PRKCA: variants seen among roughly 807,000 people sequenced by gnomAD.
PRKCA encodes the protein protein kinase C alpha type.
Under a neutral mutation model 87.0 loss-of-function variants are expected in PRKCA, and 27 were observed. That is an observed-to-expected ratio of 0.31 (90% confidence interval 0.23 to 0.43). PRKCA has a LOEUF of 0.43. Ranked by LOEUF, PRKCA falls within the 20% of genes least tolerant of loss-of-function variation. The probability of loss-of-function intolerance (pLI) is 1.00; values close to 1 mark genes in which losing one functional copy is unlikely to be tolerated. For synonymous variants in PRKCA, 329 were observed against 311.1 expected, an observed-to-expected ratio of 1.06 and a Z score of -0.61; for missense variants, 518 against 852.3, an observed-to-expected ratio of 0.61 and a Z score of 4.88.
intron 3 of PRKCA, among the ~76,000 whole-genome samples, chr17:66,636,027 C>T (rs933960657): frequency 2.0e-5 from 3 of 152,104 alleles, no homozygotes; most frequent in African/African-American, 4.8e-5. Context: ...CAGTGGTCTC[C>T]CTCTTCTGCC....
chr17:66,333,212 A>G (rs543118642), intron 2 of PRKCA, among the ~76,000 whole-genome samples: 2 of 152,340 alleles, frequency 1.3e-5, no homozygotes, highest in South Asian at 4.1e-4. Context: ...CTACATTACA[A>G]ATAATTTAAA....
intron 2 of PRKCA, among the ~76,000 whole-genome samples, chr17:66,454,676 A>G (rs575988116): frequency 6.6e-6 from 1 of 152,316 alleles, no homozygotes; most frequent in East Asian, 1.9e-4. Context: ...AAACCATCAG[A>G]TCTCATGAGA....
chr17:66,534,225 C>A (rs1021039882), intron 3 of PRKCA, among the ~76,000 whole-genome samples: 1 of 152,110 alleles, frequency 6.6e-6, no homozygotes, highest in Admixed American at 6.5e-5. Flanking sequence ...TATTATTGTT[C>A]TAACTAGCAG....
intron 3 of PRKCA, among the ~76,000 whole-genome samples, chr17:66,562,585 G>GTTTT (rs10523714): frequency 0.2 from 29,461 of 148,830 alleles, 3,059 homozygotes; most frequent in South Asian, 0.33. Context: ...GCTAAGTTTT[G>GTTTT]TTTTTTTTTG....
Position 66,324,015 on chromosome 17 carries a change from C to CT in PRKCA, c.205+17898dup, listed in dbSNP as rs933519655. ...TCACCCACATGACTGTACATACCATCTTTTTTTTTTCCTGGTCTTTTAATT... is the reference window on the plus strand; with the variant it reads ...TCACCCACATGACTGTACATACCATCTTTTTTTTTTTCCTGGTCTTTTAATT... On this transcript the variant is annotated intron_variant, in intron 2 of 16. Transcript: ENST00000413366. Among the ~76,000 whole-genome samples, 698 of 149,656 alleles carry CT rather than the reference C, an allele frequency of 4.7e-3. 1 individual carries two copies. The highest frequency in any genetic ancestry group is 7.1e-3 in the Non-Finnish European group (479 of 67,214).
chr17:66,592,692 C>G (rs961140952), intron 3 of PRKCA, among the ~76,000 whole-genome samples: 10 of 152,138 alleles, frequency 6.6e-5, no homozygotes, highest in African/African-American at 2.4e-4. Flanking sequence ...TAAACTGACT[C>G]CAATCCTTTT....
intron 5 of PRKCA, among the ~76,000 whole-genome samples, chr17:66,648,673 T>A (rs1286583689): frequency 6.6e-6 from 1 of 152,210 alleles, no homozygotes. Flanking sequence ...ACATTTTTAA[T>A]TTAAAGTAAT....
intron 15 of PRKCA, 137 bp from the exon 16 acceptor site, chr17:66,788,702 T>G: frequency 1.0e-6 from 1 of 985,830 alleles, no homozygotes. Flanking sequence ...AGCCACTGAG[T>G]GTCTTGGTCA....
chr17:66,795,011 A>G (rs967120402), intron 16 of PRKCA, among the ~76,000 whole-genome samples: 2 of 151,798 alleles, frequency 1.3e-5, no homozygotes, highest in Admixed American at 6.6e-5. Flanking sequence ...GTTACTTTTC[A>G]TTTTTTTTGC....
intron 8 of PRKCA, among the ~76,000 whole-genome samples, chr17:66,713,175 C>G (rs1339250870): frequency 1.3e-5 from 2 of 151,058 alleles, no homozygotes; most frequent in South Asian, 2.1e-4. Context: ...CCTCAGTCTA[C>G]CGAGTAGCTG....
chr17:66,374,566 T>TAAGC (rs1257148223), intron 2 of PRKCA, among the ~76,000 whole-genome samples: 4 of 152,058 alleles, frequency 2.6e-5, no homozygotes, highest in East Asian at 3.9e-4. Context: ...CTGAATTAAT[T>TAAGC]AAGCAAGCAA....
At chr17:66,546,725 G>T (rs747003124) in intron 3 of PRKCA, among the ~76,000 whole-genome samples, 6 of 152,042 alleles carry the variant, frequency 3.9e-5, no homozygotes, top group African/African-American at 1.2e-4. Flanking sequence ...TCACATTCAC[G>T]TAGACCTGGA....
At chr17:66,551,609 T>G (rs1356488768) in intron 3 of PRKCA, among the ~76,000 whole-genome samples, 1 of 152,186 alleles carries the variant, frequency 6.6e-6, no homozygotes, top group Non-Finnish European at 1.5e-5. Context: ...TCCATATACT[T>G]GAAGTGAGTC....
chr17:66,655,870 T>G (rs966330090), intron 5 of PRKCA, among the ~76,000 whole-genome samples: 3 of 150,044 alleles, frequency 2.0e-5, no homozygotes, highest in Middle Eastern at 3.4e-3. Context: ...CACATGGCTC[T>G]GGGATCCTTT....
At chr17:66,701,830 A>G (rs940349474) in intron 8 of PRKCA, among the ~76,000 whole-genome samples, 28 of 152,132 alleles carry the variant, frequency 1.8e-4, no homozygotes, top group African/African-American at 6.0e-4. Context: ...AGTGTTATTG[A>G]GGATGTGGAG....
At chr17:66,660,542 A>C (rs1222060258) in intron 5 of PRKCA, among the ~76,000 whole-genome samples, 2 of 152,088 alleles carry the variant, frequency 1.3e-5, no homozygotes, top group Non-Finnish European at 2.9e-5. Flanking sequence ...ATTTTCATGC[A>C]TAAAAACCAC....
intron 3 of PRKCA, among the ~76,000 whole-genome samples, chr17:66,585,699 C>G (rs1969573147): frequency 6.6e-6 from 1 of 152,210 alleles, no homozygotes; most frequent in East Asian, 1.9e-4. Flanking sequence ...AGGGAGCCAG[C>G]AGCTTAAGTT....
intron 13 of PRKCA, among the ~76,000 whole-genome samples, chr17:66,744,514 C>T (rs1028747387): frequency 3.3e-5 from 5 of 152,116 alleles, no homozygotes; most frequent in South Asian, 2.1e-4. Flanking sequence ...TCTCCTGTTC[C>T]GACAAATAGC....
intron 4 of PRKCA, among the ~76,000 whole-genome samples, chr17:66,643,154 T>C (rs920016116): frequency 1.3e-5 from 2 of 152,236 alleles, no homozygotes; most frequent in African/African-American, 4.8e-5. Flanking sequence ...TTAACTACTT[T>C]AAAACTGGGA....
Sources: allele counts gnomAD v4.1 joint callset (sites outside exome capture counted in the v4.1 genomes callset), GRCh38; gene constraint gnomAD v4.1.1; transcripts MANE v1.5; gene names NCBI Gene and HGNC (gene_info 2026-07-23, HGNC 2026-07-21).